The following VPS13A variants were observed in gnomAD, a reference collection of about 807,000 sequenced individuals.
VPS13A encodes intermembrane lipid transfer protein VPS13A.
Under a neutral mutation model 390.9 loss-of-function variants are expected in VPS13A, and 264 were observed. The ratio of observed to expected loss-of-function variants is 0.68; its 90% CI spans 0.61 to 0.75. The LOEUF (loss-of-function observed/expected upper bound fraction) is 0.75, where lower values mean the gene tolerates loss of function less well. VPS13A is among the 30% of genes least tolerant of loss of function. The pLI is 0.00. For missense variants in VPS13A, 3,409 were observed against 3,733.9 expected (o/e 0.91, Z 2.27); for synonymous variants, 1,231 against 1,227.1 (o/e 1.00, Z -0.07).
chr9:77,300,215 A>C (rs983670047), intron 33 of VPS13A, among the ~76,000 whole-genome samples: 1 of 152,166 alleles, frequency 6.6e-6, no homozygotes, highest in African/African-American at 2.4e-5. Flanking sequence ...GAAAATCTAA[A>C]TCTGCCTTTT....
At chr9:77,349,371 C>T (rs1831331843) in intron 52 of VPS13A, among the ~76,000 whole-genome samples, 1 of 151,930 alleles carries the variant, frequency 6.6e-6, no homozygotes, top group Admixed American at 6.6e-5. Context: ...TTGCATGTCA[C>T]GGGGTTTTGG....
Position 77,318,572 on chromosome 9 carries a change from A to G in VPS13A, c.5294A>G (p.His1765Arg). The change falls in exon 41 of 72, where the codon CAC becomes CGC. Residue 1765 changes from histidine (H) to arginine (R), a missense_variant. His to Arg is a conservative substitution (Grantham distance 29, BLOSUM62 0). Transcript: ENST00000360280. The part of the protein sequence containing the change: ...GKNWSSLINL[H>R]CQLELEVHYY... ...AACTGGAGTTCCCTAATAAATCTGC[A>G]CTGTCAGCTTGAGCTAGAAGTAAGC... 3.7e-6 allele frequency: 6 copies of G among 1,613,762 alleles called. No individual in the cohort carries two copies. Among genetic ancestry groups the G allele is most frequent in the Non-Finnish European group, 5.1e-6 (6 of 1,179,806 alleles).
At chr9:77,342,310 C>A (rs1481716474) in intron 50 of VPS13A, among the ~76,000 whole-genome samples, 9 of 151,994 alleles carry the variant, frequency 5.9e-5, no homozygotes, top group Admixed American at 5.9e-4. Context: ...CGAAATATTC[C>A]AAAATCCAGA....
chr9:77,226,513 A>G lies in VPS13A; in HGVS notation c.1272A>G (p.Pro424=). Residue 424 remains proline, a synonymous_variant, in exon 15 of 72, where the codon CCA becomes CCG. Transcript: ENST00000360280. ...YKIYKEGVKD[P]EDNKGWFSWL... is the part of the protein sequence containing the mutation. ...TTTACAAAGAAGGAGTAAAAGATCCAGAGGATAATAAAGGGTGGTTTAGCT... is the reference window on the plus strand; with the variant it reads ...TTTACAAAGAAGGAGTAAAAGATCCGGAGGATAATAAAGGGTGGTTTAGCT... 5 of 1,612,942 alleles carry G rather than the reference A, an allele frequency of 3.1e-6. No individual in the cohort carries two copies. The highest frequency in any genetic ancestry group is 4.2e-6 in the Non-Finnish European group (5 of 1,179,198).
In VPS13A at chr9:77,318,268, A is replaced by G. The variant is rs367594346; in HGVS notation, c.4990A>G (p.Ile1664Val). ...AGTTATTATAAATACTATGATTACC[A>G]TAACTTCAGCACTGTATACAACTAA... is the stretch of plus-strand genomic sequence containing the variant. Reference protein sequence around the residue: ...SPVIINTMITITSALYTTKET... With the variant: ...SPVIINTMITVTSALYTTKET... The change falls in exon 41 of 72, where the codon ATA becomes GTA. Residue 1664 changes from isoleucine to valine, a missense_variant. This residue lies in a region of VPS13A where 2,717 missense variants were observed against 2,917.4 expected (regional missense o/e 0.93). Coordinates refer to ENST00000360280, the MANE Select transcript of VPS13A (RefSeq NM_033305.3). The G allele has an allele frequency of 1.8e-5, 29 of 1,600,388 alleles. No individual in the cohort carries two copies. The highest frequency in any genetic ancestry group is 2.5e-5 in the Non-Finnish European group (29 of 1,176,364).
At position 77,276,207 on chromosome 9, in the gene VPS13A, GC is replaced by G; in HGVS notation, c.2813del (p.Pro938GlnfsTer25). 1 of 1,606,634 alleles carries G rather than the reference GC, an allele frequency of 6.2e-7. No homozygotes were observed. The highest frequency in any genetic ancestry group is 1.1e-5 in the South Asian group (1 of 88,536). On this transcript the variant is annotated frameshift_variant, in exon 26 of 72. Transcript: ENST00000360280. LOFTEE classifies it high-confidence loss of function. The part of the protein sequence containing the change: ...NAFLKEFCLK[C>X]PEYLDENKKP... ...TTTTTGAAAGAGTTCTGCTTAAAAT[GC>G]CCAGAATACTTGGGTAAGAATCTCT...
chr9:77,257,175 C>A (rs1323037102), intron 22 of VPS13A, among the ~76,000 whole-genome samples: 2 of 151,684 alleles, frequency 1.3e-5, no homozygotes, highest in Non-Finnish European at 2.9e-5. Context: ...CAAGTATTTT[C>A]TTTGTGGTTA....
At chr9:77,407,649 T>C (rs756965221) in intron 71 of VPS13A, 42 bp downstream of exon 71, 5 of 1,426,198 alleles carry the variant, frequency 3.5e-6, no homozygotes, top group African/African-American at 1.4e-5. Context: ...AGCTGCTCAC[T>C]TCAAAATCAT....
At chr9:77,379,480 T>G (rs933758432) in intron 67 of VPS13A, among the ~76,000 whole-genome samples, 1 of 152,128 alleles carries the variant, frequency 6.6e-6, no homozygotes, top group Non-Finnish European at 1.5e-5. Context: ...CCTCAGGTGA[T>G]CTGCCCGCCT....
rs1829757145 is a variant in VPS13A at position 77,321,672 on chromosome 9, A to G, written c.5756A>G (p.Tyr1919Cys). ...LKNGESLSMDYIRTKDNDHFN... is the reference protein window; with the variant it reads ...LKNGESLSMDCIRTKDNDHFN... ...AATGGAGAAAGTTTAAGTATGGATT[A>G]TATCCGAACCAAGGACAATGATCAT... Residue 1919 changes from tyrosine to cysteine, a missense_variant, in exon 44 of 72, where the codon TAT becomes TGT. Physicochemically the swap from Tyr to Cys is radical, Grantham distance 194 (BLOSUM62 -2). Around this residue, in one of 5 missense-constraint regions of VPS13A, gnomAD observed 2,717 missense variants for 2,917.4 expected, o/e 0.93. Transcript: ENST00000360280. 4.3e-6 allele frequency: 7 copies of G among 1,613,330 alleles called. No homozygotes were observed. Among genetic ancestry groups the G allele is most frequent in the South Asian group, 3.3e-5 (3 of 91,058 alleles).
intron 41 of VPS13A, among the ~76,000 whole-genome samples, chr9:77,319,242 T>A (rs1829598606): frequency 6.6e-6 from 1 of 151,844 alleles, no homozygotes; most frequent in Non-Finnish European, 1.5e-5. Flanking sequence ...AATACCCTTT[T>A]TTTTTTAAGG....
intron 26 of VPS13A, among the ~76,000 whole-genome samples, chr9:77,277,371 T>C (rs1392704166): frequency 2.0e-5 from 3 of 152,216 alleles, no homozygotes; most frequent in Non-Finnish European, 4.4e-5. Flanking sequence ...CCTTTTTCAT[T>C]ATCAACATCC....
rs1835310333 is a variant in VPS13A at position 77,420,512 on chromosome 9, A to G, written c.*4506A>G. 1 of 152,176 alleles carries G rather than the reference A, an allele frequency of 6.6e-6. No individual in the cohort carries two copies. The highest frequency in any genetic ancestry group is 2.4e-5 in the African/African-American group (1 of 41,454). 9.4% of individuals were successfully genotyped at this position (152,176 alleles called of 1,614,324 possible). A position where few individuals can be genotyped will look rare whatever the true frequency, so the allele number is the denominator to read the frequency against. ...AATTATTTTGGTTACCCAAAAAGCT[A>G]TACAAGAAATATAACTTCAATTTTT... On this transcript the variant is annotated 3_prime_UTR_variant, in exon 72 of 72. Coordinates refer to ENST00000360280, the MANE Select transcript of VPS13A (RefSeq NM_033305.3).
chr9:77,288,086 T>C (rs1381819579), intron 31 of VPS13A, among the ~76,000 whole-genome samples: 5 of 152,180 alleles, frequency 3.3e-5, no homozygotes, highest in Non-Finnish European at 7.3e-5. Context: ...TTTTCGTTCC[T>C]GTAGTTTTGC....
intron 17 of VPS13A, 92 bp from the exon 18 acceptor site, chr9:77,237,910 T>A (rs2131229904): frequency 1.1e-6 from 1 of 945,380 alleles, no homozygotes; most frequent in East Asian, 2.6e-5. Context: ...CAAAGTGAAG[T>A]TGTCTTCATT....
At chr9:77,411,292 T>A (rs1182183636) in intron 71 of VPS13A, among the ~76,000 whole-genome samples, 2 of 151,552 alleles carry the variant, frequency 1.3e-5, no homozygotes, top group Admixed American at 6.6e-5. Flanking sequence ...CAAAGCAGTG[T>A]GTAGAGGGAA....
At position 77,353,621 on chromosome 9, in the gene VPS13A, A is replaced by G; in HGVS notation, c.7632A>G (p.Val2544=). Residue 2544 remains valine (V), a synonymous_variant, in exon 54 of 72, where the codon GTA becomes GTG. Coordinates refer to ENST00000360280, the MANE Select transcript of VPS13A (RefSeq NM_033305.3). The part of the protein sequence containing the change: ...SLVNNYTKQE[V]AYIGITSSDV... ...TCAACAATTACACGAAGCAAGAAGT[A>G]GCCTATATAGGCATTACAAGGTTAG... 1 of 1,613,424 alleles carries G rather than the reference A, an allele frequency of 6.2e-7. No individual in the cohort carries two copies. The highest frequency in any genetic ancestry group is 8.5e-7 in the Non-Finnish European group (1 of 1,179,556).
At chr9:77,411,853 T>C (rs1294322641) in intron 71 of VPS13A, among the ~76,000 whole-genome samples, 2 of 151,516 alleles carry the variant, frequency 1.3e-5, no homozygotes, top group Non-Finnish European at 2.9e-5. Flanking sequence ...CCAGCAAGTC[T>C]AATAAAGAAG....
At chr9:77,334,172 G>C (rs918310018) in intron 46 of VPS13A, among the ~76,000 whole-genome samples, 2 of 152,188 alleles carry the variant, frequency 1.3e-5, no homozygotes, top group Admixed American at 6.5e-5. Flanking sequence ...AAAGCATAGT[G>C]TTAAAAGGAA....
Sources: gnomAD v4.1 joint callset for allele counts (sites outside exome capture counted in the v4.1 genomes callset) on GRCh38, gnomAD v4.1.1 for gene constraint, gnomAD v4.1.1 regional missense constraint, MANE v1.5 for transcripts, NCBI Gene and HGNC (gene_info 2026-07-23, HGNC 2026-07-21) for gene names.